Variants in SLC38A3 observed in about 807,000 individuals in gnomAD.
The protein encoded by SLC38A3 is solute carrier family 38 member 3.
A neutral mutation model predicts 59.5 loss-of-function variants in SLC38A3; 17 were observed. The observed-to-expected ratio is 0.29, with a 90% confidence interval of 0.20 to 0.43. SLC38A3 has a LOEUF of 0.43. Among genes scored for constraint, SLC38A3 ranks in the 20% least tolerant of loss-of-function variants. The pLI is 1.00. For synonymous variants in SLC38A3, 238 were observed against 260.3 expected, an observed-to-expected ratio of 0.91 and a Z score of 0.82; for missense variants, 454 against 653.9, an observed-to-expected ratio of 0.69 and a Z score of 3.33.
Position 50,218,121 on chromosome 3 carries a change from GCAGC to G in SLC38A3, c.935+128_935+131del. 1 of 1,102,038 alleles carries G rather than the reference GCAGC, an allele frequency of 9.1e-7. No homozygotes were observed. Among genetic ancestry groups the G allele is most frequent in the Non-Finnish European group, 1.4e-6 (1 of 733,930 alleles). The allele number at this position is 1,102,038 out of a possible 1,614,324, so 68.3% of individuals were successfully genotyped here. On this transcript the variant is annotated intron_variant, in intron 11 of 15. Transcript: ENST00000614032. This position sits in a 1 kb window ranked among gnomAD's most constrained non-coding sequence, Gnocchi z 5.8. ...AGTCACTTTATCTGAGATGTCCTTG[GCAGC>G]CATGAGAGGTGATTATGAGCAAGAA...
At position 50,214,794 on chromosome 3, in the gene SLC38A3, A is replaced by G; in HGVS notation, c.299+26A>G. The G allele has an allele frequency of 6.8e-7, 1 of 1,461,566 alleles. No individual in the cohort carries two copies. The highest frequency in any genetic ancestry group is 1.7e-4 in the Middle Eastern group (1 of 5,750). 90.5% of individuals were successfully genotyped at this position (1,461,566 alleles called of 1,614,324 possible). A position where few individuals can be genotyped will look rare whatever the true frequency, so the allele number is the denominator to read the frequency against. On this transcript the variant is annotated intron_variant, in intron 4 of 15. Coordinates refer to ENST00000614032, the MANE Select transcript of SLC38A3 (RefSeq NM_006841.6). This position sits in a 1 kb window ranked among gnomAD's most constrained non-coding sequence, Gnocchi z 6.0. ...GTGAGTGCCCTCAGAGAAACTTCTA[A>G]AGATAGGGGCCCTAAGCAAGCCACC...
chr3:50,205,843 A>G (rs2109146828), intron 1 of SLC38A3, among the ~76,000 whole-genome samples: 1 of 152,312 alleles, frequency 6.6e-6, no homozygotes, highest in East Asian at 1.9e-4. Flanking sequence ...GAATCCGGGT[A>G]TATTTATCTC....
rs929914817 is a variant in SLC38A3, at chr3:50,218,524, C to T, written c.1037-69C>T. On this transcript the variant is annotated intron_variant, in intron 12 of 15. Coordinates refer to ENST00000614032, the MANE Select transcript of SLC38A3 (RefSeq NM_006841.6). This position sits in a 1 kb window ranked among gnomAD's most constrained non-coding sequence, Gnocchi z 5.8. ...ATGCCAATCCCCACAGTGTTGGGGT[C>T]CCCTAGGCAGCTCAGATCCCACCTC... 5 of 1,591,674 alleles carry T rather than the reference C, an allele frequency of 3.1e-6. No homozygotes were observed. Among genetic ancestry groups the T allele is most frequent in the Non-Finnish European group, 4.3e-6 (5 of 1,169,146 alleles).
Position 50,214,744 on chromosome 3 carries a change from C to T in SLC38A3, c.275C>T (p.Ala92Val). Residue 92 changes from alanine (A) to valine (V), a missense_variant, in exon 4 of 16, where the codon GCC becomes GTC. Ala to Val is a moderately conservative substitution (Grantham distance 64). Transcript: ENST00000614032. The surrounding 1 kb of genome is among the most constrained non-coding windows in gnomAD (Gnocchi z 6.0). ...SGILGLAYAM[A>V]NTGIILFLFL... Reference sequence around the variant, plus strand: ...ATCCTGGGACTCGCCTATGCCATGGCCAATACGGGCATTATCCTTTTCCTG... The same window carrying T: ...ATCCTGGGACTCGCCTATGCCATGGTCAATACGGGCATTATCCTTTTCCTG... 3 of 1,611,684 alleles carry T rather than the reference C, an allele frequency of 1.9e-6. No homozygotes were observed. The highest frequency in any genetic ancestry group is 2.5e-6 in the Non-Finnish European group (3 of 1,178,330).
chr3:50,215,664 T>C lies in SLC38A3; in HGVS notation c.466+28T>C, dbSNP rs1575425978. ...AAGAGCAGTGGGCAGGGGCAGGCAG[T>C]AGGGAGGTGGACAGCCCTGAAAGCT... is the stretch of plus-strand genomic sequence containing the variant. On this transcript the variant is annotated intron_variant, in intron 6 of 15. Transcript: ENST00000614032. This position sits in a 1 kb window ranked among gnomAD's most constrained non-coding sequence, Gnocchi z 7.1. The C allele has an allele frequency of 3.1e-6, 5 of 1,611,396 alleles. No individual in the cohort carries two copies. Among genetic ancestry groups the C allele is most frequent in the Non-Finnish European group, 4.2e-6 (5 of 1,178,222 alleles).
Position 50,217,398 on chromosome 3 carries a change from C to T in SLC38A3, c.632-17C>T, listed in dbSNP as rs1489873985. ...GGGAGGGGCCCCAGGTCTCAGAGTG[C>T]TCCCTCCACTTTGCAGGCTACCTGG... On this transcript the variant is annotated splice_polypyrimidine_tract_variant and intron_variant, in intron 8 of 15. Coordinates refer to ENST00000614032, the MANE Select transcript of SLC38A3 (RefSeq NM_006841.6). This position sits in a 1 kb window ranked among gnomAD's most constrained non-coding sequence, Gnocchi z 4.9. 2 of 1,612,650 alleles carry T rather than the reference C, an allele frequency of 1.2e-6. No individual in the cohort carries two copies. Among genetic ancestry groups the T allele is most frequent in the African/African-American group, 1.3e-5 (1 of 74,892 alleles).
Position 50,214,673 on chromosome 3 carries a change from C to T in SLC38A3, c.204C>T (p.Phe68=), listed in dbSNP as rs774726937. Reference sequence around the variant, plus strand: ...TGCAGTTCGAGGGGAAGACATCATTCGGGATGTCAGTGTTCAACCTCAGCA... The same window carrying T: ...TGCAGTTCGAGGGGAAGACATCATTTGGGATGTCAGTGTTCAACCTCAGCA... ...HFTDFEGKTS[F]GMSVFNLSNA... The change falls in exon 4 of 16, where the codon TTC becomes TTT. Residue 68 remains phenylalanine, a synonymous_variant. Transcript: ENST00000614032. This position sits in a 1 kb window ranked among gnomAD's most constrained non-coding sequence, Gnocchi z 6.0. The T allele has an allele frequency of 1.4e-5, 23 of 1,607,104 alleles. No homozygotes were observed. Among genetic ancestry groups the T allele is most frequent in the African/African-American group, 2.7e-5 (2 of 74,728 alleles).
rs369474593 is a variant in SLC38A3 at position 50,218,673 on chromosome 3, G to T, written c.1117G>T (p.Val373Leu). 1.3e-5 allele frequency: 21 copies of T among 1,613,218 alleles called. No homozygotes were observed. The highest frequency in any genetic ancestry group is 1.7e-5 in the Non-Finnish European group (20 of 1,179,424). ...CCTGATCCTGTGTGTGCGCGTGGCCGTGCTGACAGCAGTCACGCTCACAGT... is the reference window on the plus strand; with the variant it reads ...CCTGATCCTGTGTGTGCGCGTGGCCTTGCTGACAGCAGTCACGCTCACAGT... ...DVLILCVRVA[V>L]LTAVTLTVPI... The change falls in exon 13 of 16, where the codon GTG (valine) becomes TTG (leucine). Residue 373 changes from valine (V) to leucine (L), a missense_variant. Physicochemically the swap from Val to Leu is conservative, Grantham distance 32. Coordinates refer to ENST00000614032, the MANE Select transcript of SLC38A3 (RefSeq NM_006841.6). This position sits in a 1 kb window ranked among gnomAD's most constrained non-coding sequence, Gnocchi z 5.8.
At chr3:50,216,826 A>G (rs1412882921) in intron 7 of SLC38A3, among the ~76,000 whole-genome samples, 2 of 152,152 alleles carry the variant, frequency 1.3e-5, no homozygotes, top group African/African-American at 4.8e-5. Context: ...AGGCTGGAGT[A>G]CAGTGGCACA....
chr3:50,219,258 C>G (rs1396955227), intron 14 of SLC38A3, among the ~76,000 whole-genome samples: 1 of 152,188 alleles, frequency 6.6e-6, no homozygotes, highest in Non-Finnish European at 1.5e-5. Context: ...ATTAAAGGAG[C>G]AGCAGGGCCA....
chr3:50,210,919 G>A (rs956988671), intron 1 of SLC38A3, among the ~76,000 whole-genome samples: 1 of 152,204 alleles, frequency 6.6e-6, no homozygotes, highest in Non-Finnish European at 1.5e-5. Context: ...CACTCTCTGG[G>A]CACCCATGGA....
chr3:50,218,189 C>A lies in SLC38A3; in HGVS notation c.936-81C>A. The A allele has an allele frequency of 8.7e-7, 1 of 1,149,196 alleles. No individual in the cohort carries two copies. Among genetic ancestry groups the A allele is most frequent in the South Asian group, 1.3e-5 (1 of 78,848 alleles). 71.2% of individuals were successfully genotyped at this position (1,149,196 alleles called of 1,614,324 possible). A position where few individuals can be genotyped will look rare whatever the true frequency, so the allele number is the denominator to read the frequency against. ...GATGCTGAATGGTGAAAGTATGGTG[C>A]CAGAGAGAGCTTGGGGCACATGGGG... is the stretch of plus-strand genomic sequence containing the variant. On this transcript the variant is annotated intron_variant, in intron 11 of 15. Coordinates refer to ENST00000614032, the MANE Select transcript of SLC38A3 (RefSeq NM_006841.6). The surrounding 1 kb of genome is among the most constrained non-coding windows in gnomAD (Gnocchi z 5.8).
chr3:50,220,189 T>C lies in SLC38A3; in HGVS notation c.*12T>C. ...GAGGAAACCACTAGGGTGACCCTCA[T>C]CCTGTTCTGTCTACTCACCCTAGCA... On this transcript the variant is annotated 3_prime_UTR_variant, in exon 16 of 16. Transcript: ENST00000614032. 6.4e-7 allele frequency: 1 copy of C among 1,558,976 alleles called. No individual in the cohort carries two copies. Among genetic ancestry groups the C allele is most frequent in the Non-Finnish European group, 8.7e-7 (1 of 1,146,662 alleles).
At chr3:50,211,750 G>T (rs1408126309) in intron 1 of SLC38A3, among the ~76,000 whole-genome samples, 1 of 152,024 alleles carries the variant, frequency 6.6e-6, no homozygotes, top group Middle Eastern at 3.4e-3. Flanking sequence ...CACCAGCCCG[G>T]CTAATTTTGT....
At chr3:50,206,748 C>A (rs1429290376) in intron 1 of SLC38A3, among the ~76,000 whole-genome samples, 2 of 152,170 alleles carry the variant, frequency 1.3e-5, no homozygotes, top group Non-Finnish European at 2.9e-5. Flanking sequence ...GAGTCTGTAT[C>A]TCAGAATTTT....
At position 50,217,422 on chromosome 3, in the gene SLC38A3, G is replaced by A. The variant is rs587681794; in HGVS notation, c.639G>A (p.Leu213=). 6.2e-7 allele frequency: 1 copy of A among 1,613,346 alleles called. No individual in the cohort carries two copies. Among genetic ancestry groups the A allele is most frequent in the East Asian group, 2.2e-5 (1 of 44,856 alleles). The change falls in exon 9 of 16, where the codon CTG becomes CTA. Residue 213 remains leucine, a synonymous_variant. Transcript: ENST00000614032. The surrounding 1 kb of genome is among the most constrained non-coding windows in gnomAD (Gnocchi z 4.9). ...PLALMRQLGY[L]GYSSGFSLSC... Reference sequence around the variant, plus strand: ...GCTCCCTCCACTTTGCAGGCTACCTGGGCTACTCCAGCGGCTTCTCTCTTA... The same window carrying A: ...GCTCCCTCCACTTTGCAGGCTACCTAGGCTACTCCAGCGGCTTCTCTCTTA...
rs1458167184 is a variant in SLC38A3 at position 50,218,017 on chromosome 3, G to T, written c.935+21G>T. On this transcript the variant is annotated intron_variant, in intron 11 of 15. Transcript: ENST00000614032. This position sits in a 1 kb window ranked among gnomAD's most constrained non-coding sequence, Gnocchi z 5.8. Reference sequence around the variant, plus strand: ...AAGGAGTAGGTGTCTGTGGCTGGGAGTGGGGGTGGGGATGCCCTGAGCTGG... The same window carrying T: ...AAGGAGTAGGTGTCTGTGGCTGGGATTGGGGGTGGGGATGCCCTGAGCTGG... 1.2e-6 allele frequency: 2 copies of T among 1,611,196 alleles called. No individual in the cohort carries two copies. Among genetic ancestry groups the T allele is most frequent in the African/African-American group, 1.3e-5 (1 of 74,886 alleles).
rs1216357630 is a variant in SLC38A3 at position 50,214,824 on chromosome 3, A to G, written c.299+56A>G. On this transcript the variant is annotated intron_variant, in intron 4 of 15. Transcript: ENST00000614032. This position sits in a 1 kb window ranked among gnomAD's most constrained non-coding sequence, Gnocchi z 6.0. ...AGGGGCCCTAAGCAAGCCACCAATCATGACCTCCCAGGACCCGCCAGTTCC... is the reference window on the plus strand; with the variant it reads ...AGGGGCCCTAAGCAAGCCACCAATCGTGACCTCCCAGGACCCGCCAGTTCC... The G allele has an allele frequency of 2.5e-6, 3 of 1,191,012 alleles. No individual in the cohort carries two copies. The highest frequency in any genetic ancestry group is 2.5e-5 in the East Asian group (1 of 39,428). The allele number at this position is 1,191,012 out of a possible 1,614,324, so 73.8% of individuals were successfully genotyped here. A position where few individuals can be genotyped will look rare whatever the true frequency, so the allele number is the denominator to read the frequency against.
chr3:50,208,565 A>G (rs1176727869), intron 1 of SLC38A3, among the ~76,000 whole-genome samples: 1 of 152,012 alleles, frequency 6.6e-6, no homozygotes, highest in Non-Finnish European at 1.5e-5. Context: ...GCCCGGCCTT[A>G]CAGCTGTCTC....
Sources: gnomAD v4.1 joint callset for allele counts (sites outside exome capture counted in the v4.1 genomes callset) on GRCh38, gnomAD v4.1.1 for gene constraint, Gnocchi (gnomAD v3.1) non-coding constraint, MANE v1.5 for transcripts, NCBI Gene and HGNC (gene_info 2026-07-23, HGNC 2026-07-21) for gene names.